Variants in NIT1 observed in about 807,000 individuals in gnomAD.
The protein encoded by NIT1 is nitrilase 1.
NIT1 carries 30 observed loss-of-function variants against 36.8 expected under a neutral mutation model. That is an observed-to-expected ratio of 0.82 (90% CI 0.61 to 1.11). The LOEUF is 1.11. Ranked by LOEUF, NIT1 falls within the 50% of genes least tolerant of loss-of-function variation. The probability of loss-of-function intolerance (pLI) is 0.00; values close to 1 mark genes in which losing one functional copy is unlikely to be tolerated. For synonymous variants in NIT1, 151 were observed against 155.6 expected, an observed-to-expected ratio of 0.97 and a Z score of 0.22; for missense variants, 438 against 410.6, an observed-to-expected ratio of 1.07 and a Z score of -0.58.
At chr1:161,123,190 G>T (rs748205290), downstream of NIT1, 6 of 1,614,174 alleles carry the variant, frequency 3.7e-6, no homozygotes, top group Non-Finnish European at 5.1e-6. Context: ...GACCCGAAGT[G>T]GGGCAACACA....
chr1:161,120,323 C>G, intron 6 of NIT1, 91 bp downstream of exon 6: 2 of 1,516,032 alleles, frequency 1.3e-6, no homozygotes, highest in South Asian at 1.2e-5. Flanking sequence ...CCCCTTTCCA[C>G]CTAATGGGAA....
downstream of NIT1, chr1:161,124,401 T>A (rs771191193): frequency 6.2e-7 from 1 of 1,613,234 alleles, no homozygotes; most frequent in Admixed American, 1.7e-5. Context: ...GTACAGCCCA[T>A]GTTCCTGCTC....
chr1:161,120,455 C>T (rs1447018561), intron 6 of NIT1, 44 bp from the exon 7 acceptor site: 2 of 1,593,210 alleles, frequency 1.3e-6, no homozygotes, highest in South Asian at 2.2e-5. Flanking sequence ...CACTTCCCCA[C>T]TATTTGCTAC....
intron 1 of NIT1, chr1:161,118,396 T>G: frequency 1.3e-6 from 2 of 1,530,470 alleles, no homozygotes; most frequent in Non-Finnish European, 1.8e-6. Context: ...AACTTTCCCC[T>G]GCGAGATTCT....
At chr1:161,118,989 G>A in intron 2 of NIT1, 108 bp downstream of exon 2, 1 of 1,315,460 alleles carries the variant, frequency 7.6e-7, no homozygotes, top group Non-Finnish European at 1.1e-6. Flanking sequence ...TGATTGGTGA[G>A]CCCTACTAGC....
At chr1:161,118,390 T>C in intron 1 of NIT1, 1 of 1,529,544 alleles carries the variant, frequency 6.5e-7, no homozygotes, top group Non-Finnish European at 8.8e-7. Context: ...AGGGTGAACT[T>C]TCCCCTGCGA....
chr1:161,121,317 A>G (rs1415345003), downstream of NIT1: 1 of 284,410 alleles, frequency 3.5e-6, no homozygotes, highest in African/African-American at 2.3e-5. Flanking sequence ...GAAGAAAGCA[A>G]AGGGGAAAAG....
chr1:161,119,314 GGACCCTGC>G lies in NIT1; in HGVS notation c.280_287del (p.Asp94ArgfsTer7). ...CTGAGGCATTTGACTTCATTGCACG[GGACCCTGC>G]AGAGACGCTACACCTGTCTGAACCA... On this transcript the variant is annotated frameshift_variant, in exon 3 of 7. Transcript: ENST00000368009. LOFTEE classifies it high-confidence loss of function. The G allele has an allele frequency of 6.2e-7, 1 of 1,614,210 alleles. No homozygotes were observed. The highest frequency in any genetic ancestry group is 8.5e-7 in the Non-Finnish European group (1 of 1,180,036).
chr1:161,123,493 G>C (rs1655771595), downstream of NIT1, among the ~76,000 whole-genome samples: 1 of 152,058 alleles, frequency 6.6e-6, no homozygotes, highest in African/African-American at 2.4e-5. Flanking sequence ...AAAATTAGCT[G>C]GGCGTGCTGG....
intron 1 of NIT1, 110 bp from the exon 2 acceptor site, chr1:161,118,676 T>C: frequency 1.4e-6 from 2 of 1,471,570 alleles, no homozygotes; most frequent in Non-Finnish European, 1.9e-6. Context: ...ACTAGGTTTT[T>C]ACTGGCAGGG....
chr1:161,118,381 G>T, intron 1 of NIT1: 1 of 1,527,584 alleles, frequency 6.5e-7, no homozygotes, highest in Non-Finnish European at 8.8e-7. Context: ...AGACGAGAGA[G>T]GGTGAACTTT....
chr1:161,118,320 G>C, intron 1 of NIT1, 142 bp downstream of exon 1: 1 of 1,536,938 alleles, frequency 6.5e-7, no homozygotes, highest in Non-Finnish European at 8.7e-7. Flanking sequence ...AGGGCGGGGC[G>C]CGGCTTGGGG....
intron 6 of NIT1, 85 bp from the exon 7 acceptor site, chr1:161,120,414 G>A: frequency 6.7e-7 from 1 of 1,494,408 alleles, no homozygotes; most frequent in Non-Finnish European, 9.2e-7. Context: ...AGTCACAATG[G>A]GTAGATTGGT....
At position 161,119,860 on chromosome 1, in the gene NIT1, G is replaced by A. The variant is rs77329183; in HGVS notation, c.499G>A (p.Val167Ile). The A allele has an allele frequency of 4.4e-4, 703 of 1,612,482 alleles. No homozygotes were observed. Among genetic ancestry groups the A allele is most frequent in the African/African-American group, 1.8e-3 (136 of 74,986 alleles). Reference sequence around the variant, plus strand: ...TTACAGGAAGACACATCTGTGTGACGTAGAGATTCCAGGGCAGGGGCCTAT... The same window carrying A: ...TTACAGGAAGACACATCTGTGTGACATAGAGATTCCAGGGCAGGGGCCTAT... The part of the protein sequence containing the change: ...ATYRKTHLCD[V>I]EIPGQGPMCE... The change falls in exon 5 of 7, where the codon GTA becomes ATA. Residue 167 changes from valine to isoleucine, a missense_variant. By Grantham distance (29) the Val-to-Ile change is conservative. Coordinates refer to ENST00000368009, the MANE Select transcript of NIT1 (RefSeq NM_005600.3).
At chr1:161,119,469 G>A in intron 3 of NIT1, 40 bp from the exon 4 acceptor site, 6 of 1,613,466 alleles carry the variant, frequency 3.7e-6, no homozygotes, top group Non-Finnish European at 5.1e-6. Flanking sequence ...GTAGAGCCTT[G>A]AGAAGTCAGT....
At chr1:161,124,470 G>A (rs1238739809), downstream of NIT1, 1 of 1,593,420 alleles carries the variant, frequency 6.3e-7, no homozygotes, top group African/African-American at 1.3e-5. Context: ...CATGCTGGGG[G>A]CTCAGGTACG....
Position 161,119,584 on chromosome 1 carries a change from C to A in NIT1, c.429C>A (p.Tyr143Ter). 6.2e-7 allele frequency: 1 copy of A among 1,614,164 alleles called. No individual in the cohort carries two copies. The highest frequency in any genetic ancestry group is 8.5e-7 in the Non-Finnish European group (1 of 1,180,018). ...ACTGGGAGCAGACTCAGAAAATCTA[C>A]AATTGTCACGTGCTGCTGAACAGCA... Reference protein sequence around the residue: ...GQDWEQTQKIYNCHVLLNSKG... With the variant: ...GQDWEQTQKI The change falls in exon 4 of 7, where the codon TAC becomes TAA. Residue 143 changes from tyrosine to a stop codon, truncating the protein, a stop_gained. Coordinates refer to ENST00000368009, the MANE Select transcript of NIT1 (RefSeq NM_005600.3). LOFTEE classifies it high-confidence loss of function.
chr1:161,122,116 AAC>A, downstream of NIT1: 1 of 1,607,758 alleles, frequency 6.2e-7, no homozygotes, highest in Non-Finnish European at 8.5e-7. The surrounding 1 kb of genome is among the most constrained non-coding windows in gnomAD (Gnocchi z 4.2). Flanking sequence ...GGGTGATGGG[AAC>A]AGTCCCCAAA....
downstream of NIT1, chr1:161,124,608 A>G: frequency 7.0e-7 from 1 of 1,433,734 alleles, no homozygotes; most frequent in Non-Finnish European, 9.2e-7. Flanking sequence ...AGTTGCTAAC[A>G]ATGCCTGGCA....
Sources: allele counts gnomAD v4.1 joint callset (sites outside exome capture counted in the v4.1 genomes callset), GRCh38; gene constraint gnomAD v4.1.1; non-coding constraint Gnocchi (gnomAD v3.1); transcripts MANE v1.5; gene names NCBI Gene and HGNC (gene_info 2026-07-23, HGNC 2026-07-21).